The following BFSP1 variants were observed in gnomAD, a reference collection of about 807,000 sequenced individuals.
BFSP1 encodes beaded filament structural protein 1.
BFSP1 carries 38 observed loss-of-function variants against 43.9 expected under a neutral mutation model. That is an observed-to-expected ratio of 0.87 (90% CI 0.67 to 1.14). The LOEUF (loss-of-function observed/expected upper bound fraction) is 1.14. Among genes scored for constraint, BFSP1 ranks in the 50% most tolerant of loss-of-function variants. BFSP1 has a pLI of 0.00. For missense variants in BFSP1, 850 were observed against 875.1 expected, an observed-to-expected ratio of 0.97 and a Z score of 0.36; for synonymous variants, 352 against 354.8, an observed-to-expected ratio of 0.99 and a Z score of 0.09.
At chr20:17,554,741 C>A (rs1220498717) in intron 1 of BFSP1, among the ~76,000 whole-genome samples, 1 of 152,124 alleles carries the variant, frequency 6.6e-6, no homozygotes, top group Non-Finnish European at 1.5e-5. Context: ...CTAACCCATG[C>A]AATGACAAGA....
chr20:17,544,450 C>T (rs1320352281), intron 1 of BFSP1, among the ~76,000 whole-genome samples: 1 of 152,078 alleles, frequency 6.6e-6, no homozygotes, highest in Admixed American at 6.6e-5. Flanking sequence ...CTGCTACAGC[C>T]CCACATTATT....
intron 2 of BFSP1, among the ~76,000 whole-genome samples, chr20:17,521,132 G>T (rs144227229): frequency 3.3e-5 from 5 of 151,036 alleles, no homozygotes; most frequent in African/African-American, 1.2e-4. Flanking sequence ...ATGAGATCTA[G>T]AAGTTAGCAA....
chr20:17,562,341 A>G (rs1483862893), upstream of BFSP1, among the ~76,000 whole-genome samples: 1 of 150,712 alleles, frequency 6.6e-6, no homozygotes, highest in Admixed American at 6.6e-5. Context: ...CCTGGCCAGC[A>G]TGGTGAAACC....
rs2033565186 is a variant in BFSP1, at chr20:17,494,204, T to G, written c.1868A>C (p.Glu623Ala). 1 of 1,614,198 alleles carries G rather than the reference T, an allele frequency of 6.2e-7. No homozygotes were observed. ...PPKALAYKTV[E>A]VVESIEKIST... ...AATCTTCTCGATAGATTCCACCACT[T>G]CCACTGTCTTATAGGCCAAAGCCTT... Residue 623 changes from glutamate to alanine, a missense_variant, in exon 8 of 8, where the codon GAA (glutamate) becomes GCA (alanine). Coordinates refer to ENST00000377873, the MANE Select transcript of BFSP1 (RefSeq NM_001195.5).
rs2123488667 is a variant in BFSP1, at chr20:17,512,231, G to A, written c.535-163C>T. Among the ~76,000 whole-genome samples the A allele has an allele frequency of 2.0e-5, 3 of 152,320 alleles. No homozygotes were observed. The South Asian group carries it at 6.2e-4, about 32-fold the overall frequency. ...GGAAGAAGAGACTGATGCATTTGCT[G>A]CCATGGGTGGGCCTGCCCACATGTG... On this transcript the variant is annotated intron_variant, in intron 3 of 7. Coordinates refer to ENST00000377873, the MANE Select transcript of BFSP1 (RefSeq NM_001195.5).
intron 2 of BFSP1, among the ~76,000 whole-genome samples, chr20:17,518,538 AG>A (rs2034252314): frequency 4.6e-5 from 7 of 152,198 alleles, no homozygotes; most frequent in Admixed American, 4.6e-4. Context: ...TTCCTACCGC[AG>A]GGGAAGTGGG....
chr20:17,532,437 A>G (rs1395129989), upstream of BFSP1, among the ~76,000 whole-genome samples: 1 of 151,144 alleles, frequency 6.6e-6, no homozygotes, highest in Admixed American at 6.6e-5. Flanking sequence ...AGAAAAAAAG[A>G]TTGCTTTTTT....
chr20:17,553,812 C>CAT (rs1190143896), intron 1 of BFSP1, among the ~76,000 whole-genome samples: 2 of 103,184 alleles, frequency 1.9e-5, no homozygotes, highest in African/African-American at 1.1e-4. Flanking sequence ...CACACACACA[C>CAT]ACACACACAC....
upstream of BFSP1, among the ~76,000 whole-genome samples, chr20:17,535,598 A>G (rs1192050184): frequency 6.6e-6 from 1 of 152,226 alleles, no homozygotes; most frequent in Admixed American, 6.5e-5. Context: ...TTATTCTCAA[A>G]TGATTCTGAA....
rs151235097 is a variant in BFSP1, at chr20:17,538,553, C to T, written c.3-13645G>A. Among the ~76,000 whole-genome samples, 112 of 152,252 alleles carry T rather than the reference C, an allele frequency of 7.4e-4. 1 individual carries two copies. The East Asian group carries it at 0.015, about 21-fold the overall frequency. On this transcript the variant is annotated intron_variant, in intron 1 of 7. Transcript: ENST00000377868. The stretch of plus-strand genomic sequence containing the variant: ...CAGATGGTATCATGATCTCAGCAAC[C>T]AGGATTTCATTGACAACCACGGTAG...
chr20:17,531,243 G>C lies in BFSP1; in HGVS notation c.87C>G (p.Arg29=), dbSNP rs780922338. The part of the protein sequence containing the change: ...DEASRAAEPE[R]PADEGWAGAT... ...CCCCAGCCCAGCCCTCGTCGGCCGGGCGCTCGGGCTCGGCGGCGCGCGAAG... is the reference window on the plus strand; with the variant it reads ...CCCCAGCCCAGCCCTCGTCGGCCGGCCGCTCGGGCTCGGCGGCGCGCGAAG... Residue 29 remains arginine, a synonymous_variant, in exon 1 of 8, where the codon CGC becomes CGG. Transcript: ENST00000377873. The C allele has an allele frequency of 2.8e-6, 4 of 1,413,130 alleles. No homozygotes were observed. In the South Asian group the frequency reaches 5.9e-5, roughly 21 times the overall value. The allele number at this position is 1,413,130 out of a possible 1,614,324, so 87.5% of individuals were successfully genotyped here. A position where few individuals can be genotyped will look rare whatever the true frequency, so the allele number is the denominator to read the frequency against.
At chr20:17,505,205 A>AGGCTTCC (rs1419327123) in intron 5 of BFSP1, among the ~76,000 whole-genome samples, 1 of 152,020 alleles carries the variant, frequency 6.6e-6, no homozygotes, top group Non-Finnish European at 1.5e-5. Flanking sequence ...TTTGAAGGAG[A>AGGCTTCC]GGCTTCCAGC....
chr20:17,524,079 CTAAA>C (rs2034370774), intron 2 of BFSP1, among the ~76,000 whole-genome samples: 1 of 152,146 alleles, frequency 6.6e-6, no homozygotes, highest in African/African-American at 2.4e-5. Flanking sequence ...AGCCTTTCCA[CTAAA>C]TAGTCTCCAT....
At chr20:17,508,204 T>C (rs1313411034) in intron 5 of BFSP1, among the ~76,000 whole-genome samples, 1 of 151,864 alleles carries the variant, frequency 6.6e-6, no homozygotes, top group Admixed American at 6.6e-5. Flanking sequence ...CCCTGTGGAA[T>C]GACCTGCTGT....
At chr20:17,563,419 CAG>C (rs71192393), upstream of BFSP1, among the ~76,000 whole-genome samples, 131,156 of 146,122 alleles carry the variant, frequency 0.9, 59,506 homozygotes, top group Middle Eastern at 0.97. Flanking sequence ...TCCTTTCTGA[CAG>C]AGTCTCGTGC....
intron 1 of BFSP1, among the ~76,000 whole-genome samples, chr20:17,552,589 T>C (rs930421623): frequency 1.3e-4 from 20 of 152,144 alleles, no homozygotes; most frequent in African/African-American, 3.6e-4. Context: ...CAAGAGACCA[T>C]TGCAGTAATC....
intron 1 of BFSP1, among the ~76,000 whole-genome samples, chr20:17,527,534 T>C (rs2034446803): frequency 6.6e-6 from 1 of 152,180 alleles, no homozygotes; most frequent in Non-Finnish European, 1.5e-5. Context: ...GAGACCATCC[T>C]GGCTAACACG....
intron 1 of BFSP1, among the ~76,000 whole-genome samples, chr20:17,539,912 C>A (rs2034689466): frequency 6.6e-6 from 1 of 152,144 alleles, no homozygotes; most frequent in African/African-American, 2.4e-5. Flanking sequence ...ACTAGCTTCC[C>A]AGCGTTGACC....
At chr20:17,519,564 T>C (rs2034276139) in intron 2 of BFSP1, among the ~76,000 whole-genome samples, 1 of 152,204 alleles carries the variant, frequency 6.6e-6, no homozygotes, top group Admixed American at 6.5e-5. Flanking sequence ...TTCTCTCTCC[T>C]AGCCAAGAGC....
Sources: gnomAD v4.1 joint callset for allele counts (sites outside exome capture counted in the v4.1 genomes callset) on GRCh38, gnomAD v4.1.1 for gene constraint, MANE v1.5 for transcripts, NCBI Gene and HGNC (gene_info 2026-07-23, HGNC 2026-07-21) for gene names.